BMP10: variants seen among roughly 807,000 people sequenced by gnomAD.
BMP10 encodes the protein bone morphogenetic protein 10.
Under a neutral mutation model 29.9 loss-of-function variants are expected in BMP10, and 9 were observed. The ratio of observed to expected loss-of-function variants is 0.30; its 90% CI spans 0.18 to 0.53. The LOEUF (loss-of-function observed/expected upper bound fraction) is 0.53. Ranked by LOEUF, BMP10 falls within the 20% of genes least tolerant of loss-of-function variation. The pLI is 0.96. For missense variants in BMP10, 474 were observed against 524.3 expected (o/e 0.90, Z 0.94); for synonymous variants, 202 against 200.2 (o/e 1.01, Z -0.07).
In BMP10 at chr2:68,865,568, C is replaced by G. The variant is rs1682935153; in HGVS notation, c.*63G>C. ...ACTGTACACCCTTATTAAATAATCT[C>G]ATTAAATAGGAACACCAAATATACA... On this transcript the variant is annotated 3_prime_UTR_variant, in exon 2 of 2. Transcript: ENST00000295379. This position sits in a 1 kb window ranked among gnomAD's most constrained non-coding sequence, Gnocchi z 4.7. The G allele has an allele frequency of 6.8e-7, 1 of 1,472,460 alleles. No individual in the cohort carries two copies. Among genetic ancestry groups the G allele is most frequent in the Admixed American group, 1.9e-5 (1 of 52,276 alleles). 91.2% of individuals were successfully genotyped at this position (1,472,460 alleles called of 1,614,324 possible). A position where few individuals can be genotyped will look rare whatever the true frequency, so the allele number is the denominator to read the frequency against.
rs1035596721 is a variant in BMP10 at position 68,861,719 on chromosome 2, A to T, written c.*3912T>A. On this transcript the variant is annotated 3_prime_UTR_variant, in exon 2 of 2. Transcript: ENST00000295379. ...GATGAATCAAGTAAGAAGAATACATAAAATTCTCTTATATGAAAATATCTT... is the reference window on the plus strand; with the variant it reads ...GATGAATCAAGTAAGAAGAATACATTAAATTCTCTTATATGAAAATATCTT... Among the ~76,000 whole-genome samples the T allele has an allele frequency of 3.3e-5, 5 of 152,270 alleles. No individual in the cohort carries two copies. Among genetic ancestry groups the T allele is most frequent in the African/African-American group, 1.2e-4 (5 of 41,474 alleles).
chr2:68,870,371 T>C (rs1330235104), intron 1 of BMP10, among the ~76,000 whole-genome samples: 3 of 152,232 alleles, frequency 2.0e-5, no homozygotes, highest in Non-Finnish European at 4.4e-5. Context: ...TCAAAGCTTG[T>C]ACGTTGCTCT....
Position 68,865,023 on chromosome 2 carries a change from T to C in BMP10, c.*608A>G, listed in dbSNP as rs1682925295. Reference sequence around the variant, plus strand: ...TTTTTCCTGTTGTACCTCTAAGACCTCTTAAGTCCATTTGGTTTCTGTATC... The same window carrying C: ...TTTTTCCTGTTGTACCTCTAAGACCCCTTAAGTCCATTTGGTTTCTGTATC... On this transcript the variant is annotated 3_prime_UTR_variant, in exon 2 of 2. Transcript: ENST00000295379. This position sits in a 1 kb window ranked among gnomAD's most constrained non-coding sequence, Gnocchi z 4.7. 6.6e-6 allele frequency among the ~76,000 whole-genome samples: 1 copy of C among 152,200 alleles called. No individual in the cohort carries two copies. Among genetic ancestry groups the C allele is most frequent in the African/African-American group, 2.4e-5 (1 of 41,464 alleles).
intron 1 of BMP10, among the ~76,000 whole-genome samples, chr2:68,868,647 C>T (rs1683012503): frequency 6.6e-6 from 1 of 152,174 alleles, no homozygotes; most frequent in African/African-American, 2.4e-5. Flanking sequence ...TTGGGTTGGG[C>T]TTGGGAGTTA....
rs1007658438 is a variant in BMP10 at position 68,862,734 on chromosome 2, G to C, written c.*2897C>G. ...CAGGAGTTGAAAGTGACACCGGTGT[G>C]CTGCCGGGGTTCCGGTGGGAGCTGG... is the stretch of plus-strand genomic sequence containing the variant. On this transcript the variant is annotated 3_prime_UTR_variant, in exon 2 of 2. Transcript: ENST00000295379. Among the ~76,000 whole-genome samples, 1 of 152,176 alleles carries C rather than the reference G, an allele frequency of 6.6e-6. No homozygotes were observed. Among genetic ancestry groups the C allele is most frequent in the Non-Finnish European group, 1.5e-5 (1 of 68,042 alleles).
chr2:68,866,647 A>G, intron 1 of BMP10, 76 bp from the exon 2 acceptor site: 1 of 1,135,146 alleles, frequency 8.8e-7, no homozygotes, highest in East Asian at 2.5e-5. Context: ...ATGTAATAAG[A>G]AGGCCTTCCC....
chr2:68,866,231 C>G lies in BMP10; in HGVS notation c.675G>C (p.Glu225Asp), dbSNP rs369259498. The change falls in exon 2 of 2, where the codon GAG becomes GAC. Residue 225 changes from glutamate (E) to aspartate (D), a missense_variant. By Grantham distance (45) the Glu-to-Asp change is conservative. Coordinates refer to ENST00000295379, the MANE Select transcript of BMP10 (RefSeq NM_014482.3). ...SSTHQLEVHIESKHDEAEDAS... is the reference protein window; with the variant it reads ...SSTHQLEVHIDSKHDEAEDAS... The stretch of plus-strand genomic sequence containing the variant: ...CATCCTCAGCTTCATCGTGTTTGCT[C>G]TCAATGTGGACCTCCAGCTGGTGGG... The G allele has an allele frequency of 2.4e-5, 38 of 1,613,944 alleles. No individual in the cohort carries two copies. The highest frequency in any genetic ancestry group is 2.6e-5 in the Non-Finnish European group (31 of 1,179,984).
At position 68,865,420 on chromosome 2, in the gene BMP10, C is replaced by T. The variant is rs527763435; in HGVS notation, c.*211G>A. On this transcript the variant is annotated 3_prime_UTR_variant, in exon 2 of 2. Coordinates refer to ENST00000295379, the MANE Select transcript of BMP10 (RefSeq NM_014482.3). This position sits in a 1 kb window ranked among gnomAD's most constrained non-coding sequence, Gnocchi z 4.7. ...TGTTTTCAAATCAACAGGGAGGTGG[C>T]ATTGCCAGGAAATGGCAAGTCCAAA... 6 of 561,134 alleles carry T rather than the reference C, an allele frequency of 1.1e-5. No individual in the cohort carries two copies. The highest frequency in any genetic ancestry group is 1.5e-5 in the Non-Finnish European group (5 of 322,966). 34.8% of individuals were successfully genotyped at this position (561,134 alleles called of 1,614,324 possible). A position where few individuals can be genotyped will look rare whatever the true frequency, so the allele number is the denominator to read the frequency against.
rs1022458348 is a variant in BMP10 at position 68,862,396 on chromosome 2, A to C, written c.*3235T>G. ...CTGAAGCCCAGAAGACTCTCTATCC[A>C]AAAGGGAATCACAGACATAAAAATA... On this transcript the variant is annotated 3_prime_UTR_variant, in exon 2 of 2. Transcript: ENST00000295379. Among the ~76,000 whole-genome samples, 1 of 152,226 alleles carries C rather than the reference A, an allele frequency of 6.6e-6. No homozygotes were observed. The highest frequency in any genetic ancestry group is 1.5e-5 in the Non-Finnish European group (1 of 68,030).
rs192524763 is a variant in BMP10 at position 68,861,830 on chromosome 2, G to A, written c.*3801C>T. Among the ~76,000 whole-genome samples the A allele has an allele frequency of 9.2e-5, 14 of 151,982 alleles. No homozygotes were observed. The highest frequency in any genetic ancestry group is 1.2e-4 in the Non-Finnish European group (8 of 67,980). ...AAAAGGTTTTTGTCATTAATTCCCC[G>A]GACCAAAATTTACACATCAGGAAAG... is the stretch of plus-strand genomic sequence containing the variant. On this transcript the variant is annotated 3_prime_UTR_variant, in exon 2 of 2. Transcript: ENST00000295379.
chr2:68,864,023 A>G lies in BMP10; in HGVS notation c.*1608T>C, dbSNP rs1252024558. Among the ~76,000 whole-genome samples the G allele has an allele frequency of 6.6e-6, 1 of 152,124 alleles. No homozygotes were observed. Among genetic ancestry groups the G allele is most frequent in the Non-Finnish European group, 1.5e-5 (1 of 68,010 alleles). On this transcript the variant is annotated 3_prime_UTR_variant, in exon 2 of 2. Transcript: ENST00000295379. ...GTTCCTCCTGCACAAAGCCCAGAAT[A>G]TGCTTGCCAGGTAGAGGGAAATGGT...
rs1251431060 is a variant in BMP10 at position 68,865,534 on chromosome 2, G to A, written c.*97C>T. The A allele has an allele frequency of 1.3e-5, 16 of 1,246,386 alleles. No homozygotes were observed. The highest frequency in any genetic ancestry group is 1.7e-5 in the Non-Finnish European group (15 of 893,426). The allele number at this position is 1,246,386 out of a possible 1,614,324, so 77.2% of individuals were successfully genotyped here. A position where few individuals can be genotyped will look rare whatever the true frequency, so the allele number is the denominator to read the frequency against. ...CCTGTCCATTTCCTGAAGGCAGCAA[G>A]CCTCTATTACTGTACACCCTTATTA... On this transcript the variant is annotated 3_prime_UTR_variant, in exon 2 of 2. Coordinates refer to ENST00000295379, the MANE Select transcript of BMP10 (RefSeq NM_014482.3). This position sits in a 1 kb window ranked among gnomAD's most constrained non-coding sequence, Gnocchi z 4.7.
chr2:68,870,228 C>A (rs1037095069), intron 1 of BMP10, among the ~76,000 whole-genome samples: 45 of 151,786 alleles, frequency 3.0e-4, no homozygotes, highest in African/African-American at 1.1e-3. Flanking sequence ...GGTTTTTTTT[C>A]CTACTAGGAC....
At position 68,867,925 on chromosome 2, in the gene BMP10, C is replaced by T. The variant is rs570581892; in HGVS notation, c.335-1354G>A. 9.0e-4 allele frequency among the ~76,000 whole-genome samples: 137 copies of T among 152,128 alleles called. 2 individuals carry two copies. The South Asian group carries it at 0.016, about 18-fold the overall frequency. ...ATATTTATGTGTGTTTGCTAAAAAT[C>T]CATACTAAGAAAAATATACAATAAT... On this transcript the variant is annotated intron_variant, in intron 1 of 1. Transcript: ENST00000295379.
chr2:68,867,707 C>A (rs1456368261), intron 1 of BMP10, among the ~76,000 whole-genome samples: 1 of 152,050 alleles, frequency 6.6e-6, no homozygotes, highest in Non-Finnish European at 1.5e-5. Flanking sequence ...CTAAGGACCA[C>A]CAACTGGGGG....
chr2:68,869,767 C>A (rs1683035548), intron 1 of BMP10, among the ~76,000 whole-genome samples: 1 of 152,164 alleles, frequency 6.6e-6, no homozygotes, highest in Non-Finnish European at 1.5e-5. Flanking sequence ...TAAATTTTGG[C>A]AGCCAACTCA....
rs566450555 is a variant in BMP10, at chr2:68,861,228, G to A, written c.*4403C>T. Among the ~76,000 whole-genome samples, 136 of 152,184 alleles carry A rather than the reference G, an allele frequency of 8.9e-4. No homozygotes were observed. The highest frequency in any genetic ancestry group is 3.1e-3 in the African/African-American group (127 of 41,508). Reference sequence around the variant, plus strand: ...AACATGACCGTGCATCAGCTGATTCGGTGTGTCTGTGGTGTTCGCTGATTT... The same window carrying A: ...AACATGACCGTGCATCAGCTGATTCAGTGTGTCTGTGGTGTTCGCTGATTT... On this transcript the variant is annotated 3_prime_UTR_variant, in exon 2 of 2. Coordinates refer to ENST00000295379, the MANE Select transcript of BMP10 (RefSeq NM_014482.3).
chr2:68,865,668 T>C lies in BMP10; in HGVS notation c.1238A>G (p.Tyr413Cys). The change falls in exon 2 of 2, where the codon TAC becomes TGC. Residue 413 changes from tyrosine (Y) to cysteine (C), a missense_variant. By Grantham distance (194) the Tyr-to-Cys change is radical (BLOSUM62 -2). Transcript: ENST00000295379. This position sits in a 1 kb window ranked among gnomAD's most constrained non-coding sequence, Gnocchi z 4.7. Reference sequence around the variant, plus strand: ...ACATTCGGAGACGGCCATGCCTTCGTATTTAAACTTGTAGGTGACGACGCC... The same window carrying C: ...ACATTCGGAGACGGCCATGCCTTCGCATTTAAACTTGTAGGTGACGACGCC... ...DKGVVTYKFK[Y>C]EGMAVSECGC... 6.2e-7 allele frequency: 1 copy of C among 1,614,128 alleles called. No homozygotes were observed. Among genetic ancestry groups the C allele is most frequent in the African/African-American group, 1.3e-5 (1 of 75,062 alleles).
At chr2:68,868,193 A>G (rs568804714) in intron 1 of BMP10, among the ~76,000 whole-genome samples, 2 of 152,288 alleles carry the variant, frequency 1.3e-5, no homozygotes, top group East Asian at 3.9e-4. Flanking sequence ...TTCTGTTTTA[A>G]CTACATTGAT....
Sources: allele counts gnomAD v4.1 joint callset (sites outside exome capture counted in the v4.1 genomes callset), GRCh38; gene constraint gnomAD v4.1.1; non-coding constraint Gnocchi (gnomAD v3.1); transcripts MANE v1.5; gene names NCBI Gene and HGNC (gene_info 2026-07-23, HGNC 2026-07-21).